ARHGAP19: variants seen among roughly 807,000 people sequenced by gnomAD.
ARHGAP19 encodes Rho GTPase activating protein 19.
A neutral mutation model predicts 60.9 loss-of-function variants in ARHGAP19; 48 were observed. That is an observed-to-expected ratio of 0.79 (90% confidence interval 0.62 to 1.00). The LOEUF (loss-of-function observed/expected upper bound fraction) is 1.00. Among genes scored for constraint, ARHGAP19 ranks in the 50% least tolerant of loss-of-function variants. The probability of loss-of-function intolerance (pLI) is 0.00; values close to 1 mark genes in which losing one functional copy is unlikely to be tolerated. For missense variants in ARHGAP19, 562 were observed against 597.2 expected (o/e 0.94, Z 0.61); for synonymous variants, 209 against 215.5 (o/e 0.97, Z 0.27).
intron 1 of ARHGAP19, among the ~76,000 whole-genome samples, chr10:97,268,354 C>G (rs563486869): frequency 2.2e-4 from 33 of 152,346 alleles, no homozygotes; most frequent in African/African-American, 6.7e-4. Context: ...TCCCTGTCTT[C>G]TGAGTCCTCT....
chr10:97,251,300 G>A (rs1420426263), intron 6 of ARHGAP19, among the ~76,000 whole-genome samples: 12 of 41,900 alleles, frequency 2.9e-4, no homozygotes, highest in Non-Finnish European at 3.8e-4. Context: ...AAGGGAAGGG[G>A]AAAAGGAAGG....
At chr10:97,274,184 G>A (rs559785044) in intron 1 of ARHGAP19, among the ~76,000 whole-genome samples, 1 of 152,250 alleles carries the variant, frequency 6.6e-6, no homozygotes, top group South Asian at 2.1e-4. Flanking sequence ...GAGTTCCTGA[G>A]GCCGGGCGCG....
At chr10:97,258,212 G>C (rs971984953) in intron 5 of ARHGAP19, among the ~76,000 whole-genome samples, 1 of 152,058 alleles carries the variant, frequency 6.6e-6, no homozygotes, top group Non-Finnish European at 1.5e-5. Context: ...AAAATGGCTT[G>C]TAGACAGCTG....
intron 1 of ARHGAP19, among the ~76,000 whole-genome samples, chr10:97,268,330 A>C (rs1842923561): frequency 6.6e-6 from 1 of 152,146 alleles, no homozygotes; most frequent in South Asian, 2.1e-4. Context: ...GGAAGTTCCA[A>C]ACTTTCCCAC....
chr10:97,242,260 A>G (rs925961529), intron 8 of ARHGAP19, among the ~76,000 whole-genome samples: 5 of 147,986 alleles, frequency 3.4e-5, no homozygotes, highest in Non-Finnish European at 7.5e-5. Flanking sequence ...CCTTCTCTAT[A>G]ATTTTCTGTT....
intron 6 of ARHGAP19, among the ~76,000 whole-genome samples, chr10:97,248,978 G>A (rs899996520): frequency 2.6e-5 from 4 of 152,082 alleles, no homozygotes; most frequent in East Asian, 3.9e-4. Context: ...CATCACGCCC[G>A]GCTAATTTTT....
intron 1 of ARHGAP19, among the ~76,000 whole-genome samples, chr10:97,269,840 T>A (rs1290200999): frequency 6.6e-6 from 1 of 152,206 alleles, no homozygotes; most frequent in East Asian, 1.9e-4. Flanking sequence ...AACACATACA[T>A]ACCTAAAACT....
chr10:97,225,990 G>T lies in ARHGAP19; in HGVS notation c.*132C>A. ...GGGTTAGAGGTATCAGTCGGGTCAC[G>T]GTATTAGTTGGCTTTGACAATTCAA... On this transcript the variant is annotated 3_prime_UTR_variant, in exon 12 of 12. Coordinates refer to ENST00000358531, the MANE Select transcript of ARHGAP19 (RefSeq NM_032900.6). 1.1e-6 allele frequency: 1 copy of T among 908,252 alleles called. No individual in the cohort carries two copies. Among genetic ancestry groups the T allele is most frequent in the Non-Finnish European group, 1.7e-6 (1 of 580,926 alleles). The allele number at this position is 908,252 out of a possible 1,614,324, so 56.3% of individuals were successfully genotyped here.
At chr10:97,264,554 G>A (rs1842873551) in intron 3 of ARHGAP19, among the ~76,000 whole-genome samples, 1 of 152,102 alleles carries the variant, frequency 6.6e-6, no homozygotes, top group Non-Finnish European at 1.5e-5. Flanking sequence ...TAGGGACAAT[G>A]TATTTTTCCA....
At chr10:97,265,289 G>T in intron 2 of ARHGAP19, 1 of 181,872 alleles carries the variant, frequency 5.5e-6, no homozygotes, top group Non-Finnish European at 1.1e-5. Flanking sequence ...ACTGCTTGAG[G>T]CCAGGAGTTT....
At chr10:97,234,044 A>C (rs1357412411) in intron 9 of ARHGAP19, among the ~76,000 whole-genome samples, 1 of 151,758 alleles carries the variant, frequency 6.6e-6, no homozygotes, top group Non-Finnish European at 1.5e-5. Context: ...AGGCGGGTGA[A>C]TCACCTGAGG....
intron 1 of ARHGAP19, among the ~76,000 whole-genome samples, chr10:97,280,199 G>A (rs911949941): frequency 3.3e-5 from 5 of 152,032 alleles, no homozygotes; most frequent in African/African-American, 1.2e-4. Flanking sequence ...TTGAGGTCAG[G>A]AGTTCAAGAC....
At chr10:97,280,994 TTCAGAGTGACACATACTATC>T (rs1387930988) in intron 1 of ARHGAP19, among the ~76,000 whole-genome samples, 2 of 152,210 alleles carry the variant, frequency 1.3e-5, no homozygotes, top group African/African-American at 4.8e-5. Flanking sequence ...TGTTCCAAAG[TTCAGAGTGACACATACTATC>T]CAAGAGACAG....
chr10:97,229,643 T>C (rs1219282934), intron 10 of ARHGAP19, 121 bp downstream of exon 10: 13 of 703,466 alleles, frequency 1.8e-5, no homozygotes, highest in Admixed American at 2.8e-5. Flanking sequence ...AATGAAAGGA[T>C]TGAGAAAAAG....
intron 5 of ARHGAP19, among the ~76,000 whole-genome samples, chr10:97,258,077 T>C (rs1034005822): frequency 2.0e-5 from 3 of 152,210 alleles, no homozygotes; most frequent in African/African-American, 7.2e-5. Flanking sequence ...TATAGATTAT[T>C]TTGATTAAAG....
chr10:97,224,540 G>A lies in ARHGAP19; in HGVS notation c.*1582C>T, dbSNP rs12255418. 6.6e-6 allele frequency: 1 copy of A among 152,234 alleles called. No individual in the cohort carries two copies. The highest frequency in any genetic ancestry group is 1.5e-5 in the Non-Finnish European group (1 of 68,036). The allele number at this position is 152,234 out of a possible 1,614,324, so 9.4% of individuals were successfully genotyped here. ...TGCTGTTACAGCAGCAAAAGCAGCA[G>A]AAAGGCTGGCAGAGGGGGCTGCCAG... On this transcript the variant is annotated 3_prime_UTR_variant, in exon 12 of 12. Transcript: ENST00000358531.
At chr10:97,233,812 G>T (rs1236254815) in intron 9 of ARHGAP19, among the ~76,000 whole-genome samples, 1 of 151,914 alleles carries the variant, frequency 6.6e-6, no homozygotes, top group African/African-American at 2.4e-5. Flanking sequence ...AGGCTGCAGT[G>T]AGCTGAGATC....
chr10:97,278,684 A>G (rs1843048209), intron 1 of ARHGAP19, among the ~76,000 whole-genome samples: 1 of 152,174 alleles, frequency 6.6e-6, no homozygotes, highest in South Asian at 2.1e-4. Context: ...GGAACCCTAC[A>G]TGTAAGGTGA....
intron 8 of ARHGAP19, among the ~76,000 whole-genome samples, chr10:97,243,286 A>T (rs1360040595): frequency 6.6e-6 from 1 of 152,330 alleles, no homozygotes; most frequent in East Asian, 1.9e-4. Context: ...AAAAGTCAAG[A>T]GGCTGACCCT....
Sources: allele counts gnomAD v4.1 joint callset (sites outside exome capture counted in the v4.1 genomes callset), GRCh38; gene constraint gnomAD v4.1.1; transcripts MANE v1.5; gene names NCBI Gene and HGNC (gene_info 2026-07-23, HGNC 2026-07-21).